The following METTL15 variants were observed in gnomAD, a reference collection of about 807,000 sequenced individuals.
METTL15 encodes methyltransferase 15, mitochondrial 12S rRNA N4-cytidine, also known as 12S rRNA N(4)-cytidine methyltransferase METTL15.
In METTL15, 34 loss-of-function variants were observed where a neutral mutation model predicts 38.3. The observed-to-expected ratio is 0.89, with a 90% confidence interval of 0.68 to 1.18. METTL15 has a LOEUF of 1.18. Among genes scored for constraint, METTL15 ranks in the 50% most tolerant of loss-of-function variants. The pLI is 0.00. For missense variants in METTL15, 438 were observed against 498.4 expected, an observed-to-expected ratio of 0.88 and a Z score of 1.15; for synonymous variants, 162 against 170.9, an observed-to-expected ratio of 0.95 and a Z score of 0.41.
At chr11:28,267,690 G>C (rs370434806) in intron 4 of METTL15, among the ~76,000 whole-genome samples, 1 of 151,958 alleles carries the variant, frequency 6.6e-6, no homozygotes, top group African/African-American at 2.4e-5. Flanking sequence ...TCTTCTCTAC[G>C]TATACCAATG....
At chr11:28,404,113 A>G (rs1183964361) in intron 5 of METTL15, among the ~76,000 whole-genome samples, 1 of 152,084 alleles carries the variant, frequency 6.6e-6, no homozygotes, top group African/African-American at 2.4e-5. Flanking sequence ...TAAAAAACCC[A>G]TAAGCAATAT....
At chr11:28,358,200 G>A (rs932409638) in intron 4 of METTL15, among the ~76,000 whole-genome samples, 1 of 152,094 alleles carries the variant, frequency 6.6e-6, no homozygotes, top group African/African-American at 2.4e-5. Context: ...TCTGTCAACA[G>A]CCAATGAGCC....
At chr11:28,387,242 A>G (rs1850449967) in intron 5 of METTL15, among the ~76,000 whole-genome samples, 2 of 151,878 alleles carry the variant, frequency 1.3e-5, no homozygotes, top group Admixed American at 6.6e-5. Flanking sequence ...TATAAAAACA[A>G]GAGATAAAAA....
At chr11:28,498,393 C>T (rs1397078951) in intron 6 of METTL15, among the ~76,000 whole-genome samples, 5 of 152,072 alleles carry the variant, frequency 3.3e-5, no homozygotes, top group African/African-American at 1.2e-4. Flanking sequence ...CTCCTGACCT[C>T]GTGATCCGCC....
chr11:28,376,278 C>G (rs995684625), intron 5 of METTL15, among the ~76,000 whole-genome samples: 18 of 151,920 alleles, frequency 1.2e-4, no homozygotes, highest in African/African-American at 3.4e-4. Context: ...GTTAAAGTCT[C>G]CCATTATTAA....
At chr11:28,454,772 A>C (rs761179096) in intron 6 of METTL15, among the ~76,000 whole-genome samples, 4 of 152,198 alleles carry the variant, frequency 2.6e-5, no homozygotes, top group Non-Finnish European at 4.4e-5. Context: ...TCACCAACAT[A>C]AATTAGCCAT....
At chr11:28,240,346 A>T (rs1214961111) in intron 4 of METTL15, among the ~76,000 whole-genome samples, 3 of 152,210 alleles carry the variant, frequency 2.0e-5, no homozygotes, top group Admixed American at 6.5e-5. Flanking sequence ...ATTTCTGAAT[A>T]ATCAAGGATT....
intron 6 of METTL15, among the ~76,000 whole-genome samples, chr11:28,441,060 T>C (rs1590376030): frequency 7.9e-4 from 1 of 1,262 alleles, no homozygotes; most frequent in African/African-American, 8.3e-4. Flanking sequence ...ATGACACTAC[T>C]TTTTTTTTTT....
chr11:28,385,643 C>G (rs1850432008), intron 5 of METTL15, among the ~76,000 whole-genome samples: 1 of 151,976 alleles, frequency 6.6e-6, no homozygotes, highest in South Asian at 2.1e-4. Flanking sequence ...TAAAAAGGTT[C>G]CATGTGAATT....
At chr11:28,136,903 TAAAA>T (rs201717459) in intron 3 of METTL15, among the ~76,000 whole-genome samples, 6 of 143,456 alleles carry the variant, frequency 4.2e-5, no homozygotes, top group Admixed American at 1.4e-4. Flanking sequence ...AATGATGACT[TAAAA>T]AAAAAAAAGG....
intron 5 of METTL15, among the ~76,000 whole-genome samples, chr11:28,393,669 A>T (rs1850536117): frequency 6.6e-6 from 1 of 152,128 alleles, no homozygotes; most frequent in South Asian, 2.1e-4. Flanking sequence ...AACAAGTGAT[A>T]TCAGAGACCA....
intron 6 of METTL15, among the ~76,000 whole-genome samples, chr11:28,494,496 TC>T (rs1296714928): frequency 6.6e-6 from 1 of 152,142 alleles, no homozygotes; most frequent in Non-Finnish European, 1.5e-5. Flanking sequence ...TTACTGTGTA[TC>T]TTGAGCAAGT....
intron 6 of METTL15, among the ~76,000 whole-genome samples, chr11:28,453,467 A>G (rs1851140523): frequency 1.3e-5 from 2 of 152,366 alleles, no homozygotes; most frequent in Non-Finnish European, 1.5e-5. Flanking sequence ...CACTTGAGTT[A>G]GATGATAATG....
At chr11:28,348,591 A>G (rs1027460500) in intron 3 of METTL15, among the ~76,000 whole-genome samples, 1 of 151,952 alleles carries the variant, frequency 6.6e-6, no homozygotes, top group Non-Finnish European at 1.5e-5. Flanking sequence ...CTGGTCTCGA[A>G]CTTCTGGACT....
chr11:28,343,503 A>G (rs1849971146), intron 3 of METTL15, among the ~76,000 whole-genome samples: 1 of 152,180 alleles, frequency 6.6e-6, no homozygotes, highest in Non-Finnish European at 1.5e-5. Flanking sequence ...ACTGTGGTGA[A>G]TGACTCAGCA....
rs191169531 is a variant in METTL15 at position 28,126,556 on chromosome 11, A to G, written c.270+12952A>G. ...CTACAGAAAGAGACATTGAGGAGAT[A>G]GATGTGGCAATGATTGGGTGAAGAG... On this transcript the variant is annotated intron_variant, in intron 3 of 6. Coordinates refer to ENST00000407364, the MANE Select transcript of METTL15 (RefSeq NM_001113528.2). 3.5e-3 allele frequency among the ~76,000 whole-genome samples: 527 copies of G among 152,290 alleles called. 2 individuals carry two copies. The highest frequency in any genetic ancestry group is 8.9e-3 in the South Asian group (43 of 4,828).
chr11:28,328,031 T>A, intron 6 of METTL15: 1 of 1,523,746 alleles, frequency 6.6e-7, no homozygotes, highest in East Asian at 2.3e-5. Context: ...CTTATTGATT[T>A]ATGTGCTCCA....
rs183673717 is a variant in METTL15, at chr11:28,225,103, T to A, written c.407+13905T>A. 4.1e-3 allele frequency among the ~76,000 whole-genome samples: 627 copies of A among 151,966 alleles called. 4 individuals carry two copies. The highest frequency in any genetic ancestry group is 8.2e-3 in the Admixed American group (125 of 15,268). On this transcript the variant is annotated intron_variant, in intron 4 of 6. Coordinates refer to ENST00000407364, the MANE Select transcript of METTL15 (RefSeq NM_001113528.2). ...GTAAGGTGATAAAGTAATACTCCTT[T>A]ATTTGTATTTTTTCTTCTGCTATCT...
intron 6 of METTL15, among the ~76,000 whole-genome samples, chr11:28,300,046 A>C (rs549874565): frequency 6.6e-6 from 1 of 152,222 alleles, no homozygotes; most frequent in East Asian, 1.9e-4. Context: ...TAACTTGATT[A>C]TATCTGCAAA....
Sources: allele counts gnomAD v4.1 joint callset (sites outside exome capture counted in the v4.1 genomes callset), GRCh38; gene constraint gnomAD v4.1.1; transcripts MANE v1.5; gene names NCBI Gene and HGNC (gene_info 2026-07-23, HGNC 2026-07-21).